The following PHF20L1 variants were observed in gnomAD, a reference collection of about 807,000 sequenced individuals.
The protein encoded by PHF20L1 is PHD finger protein 20-like protein 1.
PHF20L1 carries 44 observed loss-of-function variants against 125.5 expected under a neutral mutation model. That is an observed-to-expected ratio of 0.35 (90% CI 0.28 to 0.45). The LOEUF (loss-of-function observed/expected upper bound fraction) is 0.45, where lower values mean the gene tolerates loss of function less well. Ranked by LOEUF, PHF20L1 falls within the 20% of genes least tolerant of loss-of-function variation. The pLI is 1.00. For missense variants in PHF20L1, 1,012 were observed against 1,217.2 expected, an observed-to-expected ratio of 0.83 and a Z score of 2.51; for synonymous variants, 380 against 403.1, an observed-to-expected ratio of 0.94 and a Z score of 0.69.
intron 2 of PHF20L1, among the ~76,000 whole-genome samples, chr8:132,781,927 G>A (rs1372293197): frequency 6.6e-6 from 1 of 152,082 alleles, no homozygotes; most frequent in African/African-American, 2.4e-5. Flanking sequence ...AGTAGTGTGG[G>A]CTGTTTTAAT....
chr8:132,812,453 T>C (rs1451598397), intron 9 of PHF20L1: 1 of 985,064 alleles, frequency 1.0e-6, no homozygotes, highest in African/African-American at 1.7e-5. Flanking sequence ...GTTTTGAAAT[T>C]GAATTTAAAA....
intron 6 of PHF20L1, chr8:132,803,504 G>A (rs542323288): frequency 2.3e-5 from 6 of 265,138 alleles, no homozygotes; most frequent in Admixed American, 2.1e-4. Flanking sequence ...AAGGTAGAAT[G>A]TCATGTAGTA....
At chr8:132,816,760 C>T in intron 10 of PHF20L1, 128 bp from the exon 11 acceptor site, 1 of 660,716 alleles carries the variant, frequency 1.5e-6, no homozygotes, top group Admixed American at 3.1e-5. Flanking sequence ...ACATGCCATT[C>T]CTTGTGGATA....
chr8:132,788,613 T>A (rs1344456425), intron 2 of PHF20L1, among the ~76,000 whole-genome samples: 1 of 151,188 alleles, frequency 6.6e-6, no homozygotes, highest in African/African-American at 2.4e-5. Flanking sequence ...TTTTTTTTTA[T>A]CAATACAGAT....
chr8:132,804,003 A>G lies in PHF20L1; in HGVS notation c.692A>G (p.Glu231Gly), dbSNP rs376961005. Reference protein sequence around the residue: ...CIATPDVEKKEDLPTSSETFG... With the variant: ...CIATPDVEKKGDLPTSSETFG... The stretch of plus-strand genomic sequence containing the variant: ...GCCACACCAGACGTAGAGAAGAAGG[A>G]AGATCTGCCTACATCTAGTGAAACA... The change falls in exon 7 of 21, where the codon GAA (glutamate) becomes GGA (glycine). Residue 231 changes from glutamate to glycine, a missense_variant. Coordinates refer to ENST00000395386, the MANE Select transcript of PHF20L1 (RefSeq NM_016018.5). 2.9e-5 allele frequency: 46 copies of G among 1,610,764 alleles called. No homozygotes were observed. Among genetic ancestry groups the G allele is most frequent in the Non-Finnish European group, 3.7e-5 (44 of 1,177,410 alleles).
intron 8 of PHF20L1, 150 bp from the exon 9 acceptor site, chr8:132,810,896 T>C (rs961006943): frequency 5.3e-5 from 32 of 605,746 alleles, no homozygotes; most frequent in Non-Finnish European, 9.3e-5. Flanking sequence ...TTATTAAGCA[T>C]ATTTGTATTT....
chr8:132,778,270 AATTTTGATTTAAATTGGT>A (rs1355585391), intron 2 of PHF20L1, among the ~76,000 whole-genome samples: 9 of 152,266 alleles, frequency 5.9e-5, no homozygotes, highest in Non-Finnish European at 1.2e-4. Flanking sequence ...GTTTTGGATA[AATTTTGATTTAAATTGGT>A]ATTTTTGGTC....
In PHF20L1 at chr8:132,825,305, G is replaced by A. The variant is rs199934828; in HGVS notation, c.1678G>A (p.Asp560Asn). The A allele has an allele frequency of 2.6e-6, 4 of 1,529,480 alleles. No individual in the cohort carries two copies. Among genetic ancestry groups the A allele is most frequent in the Non-Finnish European group, 3.6e-6 (4 of 1,109,650 alleles). 94.7% of individuals were successfully genotyped at this position (1,529,480 alleles called of 1,614,324 possible). Residue 560 changes from aspartate (D) to asparagine (N), a missense_variant, in exon 14 of 21, where the codon GAC becomes AAC. By Grantham distance (23) the Asp-to-Asn change is conservative (BLOSUM62 1). Transcript: ENST00000395386. ...EKDKERREKRDKDHYRPKQKK... is the reference protein window; with the variant it reads ...EKDKERREKRNKDHYRPKQKK... ...AGATAAGGAAAGAAGAGAGAAGAGA[G>A]ACAAAGATCACTACAGACCAAAACA...
At chr8:132,808,882 AT>A (rs1270855273) in intron 8 of PHF20L1, 1 of 122,822 alleles carries the variant, frequency 8.1e-6, no homozygotes, top group Non-Finnish European at 1.8e-5. Flanking sequence ...TTTTTTACTT[AT>A]TTTTTAATAT....
chr8:132,808,408 T>C (rs1833976691), intron 8 of PHF20L1: 1 of 152,082 alleles, frequency 6.6e-6, no homozygotes, highest in Admixed American at 6.6e-5. Context: ...TATTTTCAGC[T>C]TTTTAGTTTG....
intron 15 of PHF20L1, among the ~76,000 whole-genome samples, chr8:132,835,345 T>C (rs1252023699): frequency 6.6e-6 from 1 of 152,148 alleles, no homozygotes; most frequent in African/African-American, 2.4e-5. Context: ...GATTAGCCTC[T>C]GTCAGGAGCT....
At position 132,843,307 on chromosome 8, in the gene PHF20L1, AC is replaced by A; in HGVS notation, c.2748+433del. ...TTTAGCATGTTTGTCAATGCATCCC[AC>A]TATTCAGTAAGGTGAATTCTGACAG... On this transcript the variant is annotated intron_variant, in intron 19 of 20. Coordinates refer to ENST00000395386, the MANE Select transcript of PHF20L1 (RefSeq NM_016018.5). 3.0e-6 allele frequency: 3 copies of A among 984,610 alleles called. No homozygotes were observed. The South Asian group carries it at 1.4e-4, about 46-fold the overall frequency. 61.0% of individuals were successfully genotyped at this position (984,610 alleles called of 1,614,324 possible). A position where few individuals can be genotyped will look rare whatever the true frequency, so the allele number is the denominator to read the frequency against.
intron 11 of PHF20L1, 42 bp downstream of exon 11, chr8:132,817,118 G>T: frequency 8.0e-7 from 1 of 1,256,356 alleles, no homozygotes; most frequent in Non-Finnish European, 1.1e-6. Flanking sequence ...CATAAAAGAA[G>T]ATAAAGAAAA....
chr8:132,843,537 G>A, intron 19 of PHF20L1: 1 of 984,332 alleles, frequency 1.0e-6, no homozygotes. Context: ...AAAGTTTGTG[G>A]TAAGTTATTT....
chr8:132,805,877 A>G (rs1201128176), intron 8 of PHF20L1, among the ~76,000 whole-genome samples: 1 of 152,016 alleles, frequency 6.6e-6, no homozygotes, highest in Non-Finnish European at 1.5e-5. Flanking sequence ...ACTTGGCCCC[A>G]GGAGAGGAAA....
At chr8:132,827,665 T>G (rs922400144) in intron 14 of PHF20L1, among the ~76,000 whole-genome samples, 1 of 151,860 alleles carries the variant, frequency 6.6e-6, no homozygotes, top group African/African-American at 2.4e-5. Flanking sequence ...GCAATTAGGA[T>G]TAATAGAGGA....
chr8:132,787,587 T>G (rs546643269), intron 2 of PHF20L1, among the ~76,000 whole-genome samples: 1 of 152,156 alleles, frequency 6.6e-6, no homozygotes, highest in Non-Finnish European at 1.5e-5. Context: ...GTATTAACAT[T>G]GCATTGTGGA....
chr8:132,829,945 C>T (rs542605946), intron 14 of PHF20L1, among the ~76,000 whole-genome samples: 43 of 152,022 alleles, frequency 2.8e-4, no homozygotes, highest in South Asian at 1.0e-3. Context: ...TTGGTTGTGC[C>T]GTGGTATTTA....
intron 15 of PHF20L1, 87 bp downstream of exon 15, chr8:132,832,486 C>T (rs1016872380): frequency 6.0e-5 from 55 of 917,456 alleles, no homozygotes; most frequent in African/African-American, 5.6e-4. Context: ...TAAGAGCATG[C>T]GATTTAAAAA....
Sources: allele counts gnomAD v4.1 joint callset (sites outside exome capture counted in the v4.1 genomes callset), GRCh38; gene constraint gnomAD v4.1.1; transcripts MANE v1.5; gene names NCBI Gene and HGNC (gene_info 2026-07-23, HGNC 2026-07-21).